Variants in PRKCB observed in about 807,000 individuals in gnomAD.
PRKCB encodes the protein protein kinase C beta type.
PRKCB carries 13 observed loss-of-function variants against 81.5 expected under a neutral mutation model. The observed-to-expected ratio is 0.16, with a 90% CI of 0.10 to 0.25. The LOEUF (loss-of-function observed/expected upper bound fraction) is 0.25. PRKCB is among the 10% of genes least tolerant of loss of function. PRKCB has a pLI of 1.00. For missense variants in PRKCB, 509 were observed against 875.7 expected, an observed-to-expected ratio of 0.58 and a Z score of 5.29; for synonymous variants, 335 against 321.4, an observed-to-expected ratio of 1.04 and a Z score of -0.45.
chr16:24,065,881 T>C (rs1024914178), intron 5 of PRKCB, among the ~76,000 whole-genome samples: 13 of 152,254 alleles, frequency 8.5e-5, no homozygotes, highest in African/African-American at 2.9e-4. Context: ...CACCCTTGGA[T>C]AGAATTTGAA....
Position 24,160,076 on chromosome 16 carries a change from C to T in PRKCB, c.1239+5219C>T, listed in dbSNP as rs374872312. Reference sequence around the variant, plus strand: ...CAAAAGCACTATAAGTATTATGGTCCACATTTCTATTCAATGGAAACTGAC... The same window carrying T: ...CAAAAGCACTATAAGTATTATGGTCTACATTTCTATTCAATGGAAACTGAC... On this transcript the variant is annotated intron_variant, in intron 10 of 16. Transcript: ENST00000643927. 3.9e-5 allele frequency among the ~76,000 whole-genome samples: 6 copies of T among 151,966 alleles called. No individual in the cohort carries two copies. In the East Asian group the frequency reaches 1.2e-3, roughly 29 times the overall value.
chr16:24,078,757 G>T (rs1966212604), intron 5 of PRKCB, among the ~76,000 whole-genome samples: 1 of 152,222 alleles, frequency 6.6e-6, no homozygotes, highest in Non-Finnish European at 1.5e-5. Context: ...GAGGGAAATG[G>T]TCTCTAGACT....
chr16:24,035,644 G>A (rs1965606011), intron 5 of PRKCB, 97 bp downstream of exon 5: 1 of 1,219,402 alleles, frequency 8.2e-7, no homozygotes, highest in African/African-American at 1.5e-5. Flanking sequence ...CCAGTGGAGG[G>A]GTGGGGCAGT....
intron 16 of PRKCB, among the ~76,000 whole-genome samples, chr16:24,207,156 C>G (rs550192223): frequency 9.2e-5 from 14 of 152,222 alleles, no homozygotes; most frequent in Non-Finnish European, 1.8e-4. Flanking sequence ...TCTCACACTC[C>G]TAGCCTCAAG....
At chr16:23,950,175 C>T (rs139350245) in intron 2 of PRKCB, among the ~76,000 whole-genome samples, 16 of 114,192 alleles carry the variant, frequency 1.4e-4, no homozygotes, top group Non-Finnish European at 2.7e-4. Context: ...ATCCCTCTAG[C>T]GGCACCAGAT....
chr16:24,020,651 C>T (rs1965345462), intron 3 of PRKCB, among the ~76,000 whole-genome samples: 1 of 152,218 alleles, frequency 6.6e-6, no homozygotes, highest in Non-Finnish European at 1.5e-5. Context: ...TGAGGTCACA[C>T]AGCTAACTCT....
At position 24,093,002 on chromosome 16, in the gene PRKCB, C is replaced by T. The variant is rs939384008; in HGVS notation, c.686+55C>T. The T allele has an allele frequency of 1.9e-5, 29 of 1,565,902 alleles. No individual in the cohort carries two copies. The African/African-American group carries it at 3.8e-4, about 20-fold the overall frequency. On this transcript the variant is annotated intron_variant, in intron 6 of 16. Coordinates refer to ENST00000643927, the MANE Select transcript of PRKCB (RefSeq NM_002738.7). The stretch of plus-strand genomic sequence containing the variant: ...GTGGTGGAGGTTGGGTTATGTGCCA[C>T]CTGAAATCAGGGAGTTCCTCCTCCC...
intron 3 of PRKCB, among the ~76,000 whole-genome samples, chr16:24,018,251 A>G (rs1965311797): frequency 2.0e-5 from 3 of 151,820 alleles, no homozygotes; most frequent in African/African-American, 7.3e-5. Flanking sequence ...AGATATTACT[A>G]TGTTGTCCAG....
At chr16:23,941,384 G>A (rs1008332274) in intron 2 of PRKCB, among the ~76,000 whole-genome samples, 1 of 152,108 alleles carries the variant, frequency 6.6e-6, no homozygotes, top group Non-Finnish European at 1.5e-5. Context: ...TAGGGAAAAA[G>A]GACACTGTCT....
intron 9 of PRKCB, among the ~76,000 whole-genome samples, chr16:24,141,727 T>C (rs1364899497): frequency 6.6e-6 from 1 of 152,076 alleles, no homozygotes; most frequent in East Asian, 1.9e-4. Context: ...TGTAGGGAAA[T>C]CCTATCTGCC....
chr16:24,112,468 C>T (rs895609349), intron 7 of PRKCB, among the ~76,000 whole-genome samples: 2 of 152,026 alleles, frequency 1.3e-5, no homozygotes, highest in African/African-American at 4.8e-5. Flanking sequence ...AACCCAGGAG[C>T]TCGAGGCTTC....
intron 3 of PRKCB, among the ~76,000 whole-genome samples, chr16:23,996,035 T>G (rs1322305307): frequency 6.6e-6 from 1 of 152,054 alleles, no homozygotes; most frequent in East Asian, 1.9e-4. Context: ...GCCATACATG[T>G]GACTATATCC....
At chr16:23,837,003 A>T (rs929901801) in intron 1 of PRKCB, among the ~76,000 whole-genome samples, 8 of 144,896 alleles carry the variant, frequency 5.5e-5, no homozygotes, top group African/African-American at 1.8e-4. Flanking sequence ...AGAGGACACC[A>T]CCGCCGCGGG....
At chr16:24,141,146 T>C (rs381901) in intron 9 of PRKCB, among the ~76,000 whole-genome samples, 31,006 of 152,216 alleles carry the variant, frequency 0.2, 3,430 homozygotes, top group South Asian at 0.32. Context: ...GTCTATATTT[T>C]ACCCTGATAT....
At chr16:24,033,857 G>T (rs1965580305) in intron 4 of PRKCB, among the ~76,000 whole-genome samples, 1 of 152,106 alleles carries the variant, frequency 6.6e-6, no homozygotes, top group South Asian at 2.1e-4. Context: ...AAAGACCAGA[G>T]ACAGAGACAG....
chr16:24,063,619 A>ATT lies in PRKCB; in HGVS notation c.529+28079_529+28080dup, dbSNP rs564792268. On this transcript the variant is annotated intron_variant, in intron 5 of 16. Transcript: ENST00000643927. Reference sequence around the variant, plus strand: ...CACTGATGTACTTTCACTGGGTTCCATTTTTTTTATAAGGGGAGAAAGAAT... The same window carrying ATT: ...CACTGATGTACTTTCACTGGGTTCCATTTTTTTTTTATAAGGGGAGAAAGAAT... Among the ~76,000 whole-genome samples the ATT allele has an allele frequency of 4.0e-3, 605 of 151,950 alleles. 3 individuals are homozygous for ATT. Among genetic ancestry groups the ATT allele is most frequent in the African/African-American group, 0.014 (588 of 41,456 alleles).
intron 2 of PRKCB, among the ~76,000 whole-genome samples, chr16:23,982,120 TC>T (rs1447579587): frequency 2.4e-5 from 1 of 40,970 alleles, no homozygotes; most frequent in Non-Finnish European, 4.6e-5. Flanking sequence ...CCCTTTCCCT[TC>T]CCCTTCCCTT....
chr16:23,870,615 C>G (rs1962887135), intron 2 of PRKCB, among the ~76,000 whole-genome samples: 1 of 152,188 alleles, frequency 6.6e-6, no homozygotes, highest in Non-Finnish European at 1.5e-5. Flanking sequence ...TTGTGGCATG[C>G]CAGAGTGGTA....
At chr16:23,946,169 A>C (rs1029727682) in intron 2 of PRKCB, among the ~76,000 whole-genome samples, 3 of 152,128 alleles carry the variant, frequency 2.0e-5, no homozygotes, top group African/African-American at 7.2e-5. Flanking sequence ...TGCCTTCTCT[A>C]CTCACTTCAC....
Sources: gnomAD v4.1 joint callset for allele counts (sites outside exome capture counted in the v4.1 genomes callset) on GRCh38, gnomAD v4.1.1 for gene constraint, MANE v1.5 for transcripts, NCBI Gene and HGNC (gene_info 2026-07-23, HGNC 2026-07-21) for gene names.